Variants in PACC1 observed in about 807,000 individuals in gnomAD.
PACC1 encodes the protein proton-activated chloride channel.
A neutral mutation model predicts 39.7 loss-of-function variants in PACC1; 34 were observed. The observed-to-expected ratio is 0.86, with a 90% CI of 0.65 to 1.14. The LOEUF (loss-of-function observed/expected upper bound fraction) is 1.14, where lower values mean the gene tolerates loss of function less well. Among genes scored for constraint, PACC1 ranks in the 50% most tolerant of loss-of-function variants. The probability of loss-of-function intolerance (pLI) is 0.00; values close to 1 mark genes in which losing one functional copy is unlikely to be tolerated. For missense variants in PACC1, 379 were observed against 436.4 expected (o/e 0.87, Z 1.17); for synonymous variants, 127 against 160.6 (o/e 0.79, Z 1.58).
intron 1 of PACC1, among the ~76,000 whole-genome samples, chr1:212,412,519 C>A (rs1371242861): frequency 6.6e-6 from 1 of 152,196 alleles, no homozygotes; most frequent in Non-Finnish European, 1.5e-5. Context: ...AAGAAAGACG[C>A]CGGCCATTTT....
rs1257515243 is a variant in PACC1, at chr1:212,365,333, C to T, written c.935G>A (p.Gly312Asp). The change falls in exon 8 of 8, where the codon GGC becomes GAC. Residue 312 changes from glycine (G) to aspartate (D), a missense_variant. Physicochemically the swap from Gly to Asp is moderately conservative, Grantham distance 94. Transcript: ENST00000261455. ...TGCTTTAAATAATGCCAAGAAGGCGCCACAGAGAAGAGCAATTGTGTTCCA... is the reference window on the plus strand; with the variant it reads ...TGCTTTAAATAATGCCAAGAAGGCGTCACAGAGAAGAGCAATTGTGTTCCA... The part of the protein sequence containing the change: ...NPWNTIALLC[G>D]AFLALFKAAE... 6.2e-7 allele frequency: 1 copy of T among 1,613,386 alleles called. No individual in the cohort carries two copies. The highest frequency in any genetic ancestry group is 1.7e-5 in the Admixed American group (1 of 59,934).
At position 212,377,649 on chromosome 1, in the gene PACC1, G is replaced by A. The variant is rs1362468471; in HGVS notation, c.696C>T (p.Phe232=). 5 of 1,614,212 alleles carry A rather than the reference G, an allele frequency of 3.1e-6. No individual in the cohort carries two copies. In the Admixed American group the frequency reaches 8.3e-5, roughly 27 times the overall value. The change falls in exon 6 of 8, where the codon TTC becomes TTT. Residue 232 remains phenylalanine (F), a synonymous_variant. Transcript: ENST00000261455. ...TGACCCAGGTGCGGAAGCCCCCAGA[G>A]AACTTCCAGCTGGAATAGGCACTCT... ...ACESAYSSWK[F]SGGFRTWVKM... is the part of the protein sequence containing the mutation.
intron 7 of PACC1, among the ~76,000 whole-genome samples, chr1:212,374,920 A>G (rs1660592772): frequency 6.6e-6 from 1 of 152,214 alleles, no homozygotes; most frequent in East Asian, 1.9e-4. Flanking sequence ...AATTATGGTG[A>G]GCAAAATGAA....
chr1:212,410,234 C>G (rs911078600), intron 2 of PACC1, 191 bp downstream of exon 2: 14 of 614,504 alleles, frequency 2.3e-5, no homozygotes, highest in Non-Finnish European at 4.1e-5. Context: ...GAGTTAAGAG[C>G]AGATACCAGC....
At chr1:212,398,760 C>A (rs1020405895) in intron 2 of PACC1, among the ~76,000 whole-genome samples, 4 of 152,224 alleles carry the variant, frequency 2.6e-5, no homozygotes, top group African/African-American at 2.4e-5. Flanking sequence ...TATCTGCCTT[C>A]TCTCCATGTT....
chr1:212,368,129 T>C (rs1660309360), intron 7 of PACC1, among the ~76,000 whole-genome samples: 1 of 152,178 alleles, frequency 6.6e-6, no homozygotes, highest in Non-Finnish European at 1.5e-5. Context: ...GCTGGATATC[T>C]AGAAGTCTAC....
chr1:212,373,900 T>C (rs943787027), intron 7 of PACC1, among the ~76,000 whole-genome samples: 1 of 152,116 alleles, frequency 6.6e-6, no homozygotes, highest in Non-Finnish European at 1.5e-5. Flanking sequence ...TTGTATACTG[T>C]TGGTGGGAAT....
At chr1:212,410,869 T>C (rs765900338) in intron 1 of PACC1, among the ~76,000 whole-genome samples, 4 of 152,230 alleles carry the variant, frequency 2.6e-5, no homozygotes, top group Non-Finnish European at 5.9e-5. Flanking sequence ...GTTCCATGCC[T>C]CTCTCCTGGC....
intron 4 of PACC1, among the ~76,000 whole-genome samples, chr1:212,381,092 T>G (rs545710038): frequency 6.6e-6 from 1 of 152,366 alleles, no homozygotes; most frequent in South Asian, 2.1e-4. Flanking sequence ...CACTATTCAA[T>G]TCTTATCCTT....
At chr1:212,369,783 A>AC (rs1259650709) in intron 7 of PACC1, among the ~76,000 whole-genome samples, 1 of 101,370 alleles carries the variant, frequency 9.9e-6, no homozygotes. Flanking sequence ...TCCATCTCAG[A>AC]AAAAAAAAAA....
At chr1:212,396,346 C>T (rs1054477384) in intron 2 of PACC1, among the ~76,000 whole-genome samples, 7 of 151,988 alleles carry the variant, frequency 4.6e-5, no homozygotes, top group Non-Finnish European at 1.0e-4. Flanking sequence ...GACAAAAAAC[C>T]AAACACTGCA....
At chr1:212,366,772 G>A (rs1430369715) in intron 7 of PACC1, among the ~76,000 whole-genome samples, 1 of 152,102 alleles carries the variant, frequency 6.6e-6, no homozygotes, top group Non-Finnish European at 1.5e-5. Flanking sequence ...CGAGCTGCAA[G>A]CCCTTCTCCC....
chr1:212,366,361 C>T (rs1274532993), intron 7 of PACC1, among the ~76,000 whole-genome samples: 2 of 137,156 alleles, frequency 1.5e-5, no homozygotes, highest in African/African-American at 2.9e-5. Flanking sequence ...AGTGCAGTGG[C>T]GCGATCTCAG....
intron 7 of PACC1, among the ~76,000 whole-genome samples, chr1:212,373,957 G>T (rs1179694215): frequency 6.6e-6 from 1 of 151,160 alleles, no homozygotes; most frequent in Non-Finnish European, 1.5e-5. Flanking sequence ...CAGTATGGAG[G>T]TTCCTCAAAA....
chr1:212,396,796 AT>A lies in PACC1; in HGVS notation c.134-9697del, dbSNP rs1661538538. 1.5e-4 allele frequency among the ~76,000 whole-genome samples: 22 copies of A among 146,850 alleles called. No individual in the cohort carries two copies. The East Asian group carries it at 3.8e-3, about 25-fold the overall frequency. On this transcript the variant is annotated intron_variant, in intron 2 of 7. Coordinates refer to ENST00000261455, the MANE Select transcript of PACC1 (RefSeq NM_018252.3). ...ATCTTGAAGGCAGTGAGGGAAAAAA[AT>A]ATCTATCTATCTATCTATCTATCTA...
intron 2 of PACC1, among the ~76,000 whole-genome samples, chr1:212,388,733 A>C (rs1201840021): frequency 6.6e-6 from 1 of 152,152 alleles, no homozygotes; most frequent in African/African-American, 2.4e-5. Context: ...GTGAGAAATA[A>C]ATTTCTGTTG....
intron 4 of PACC1, among the ~76,000 whole-genome samples, chr1:212,380,846 T>G (rs767753190): frequency 6.6e-6 from 1 of 152,242 alleles, no homozygotes; most frequent in Non-Finnish European, 1.5e-5. Flanking sequence ...TTTTTGAACG[T>G]GTTCTAAGTA....
chr1:212,394,690 T>C (rs1469456908), intron 2 of PACC1, among the ~76,000 whole-genome samples: 1 of 152,154 alleles, frequency 6.6e-6, no homozygotes, highest in Non-Finnish European at 1.5e-5. Flanking sequence ...GAAAACCCCA[T>C]CGTCTCAGCC....
At chr1:212,390,969 G>A (rs963442836) in intron 2 of PACC1, among the ~76,000 whole-genome samples, 4 of 151,806 alleles carry the variant, frequency 2.6e-5, no homozygotes, top group African/African-American at 4.8e-5. Context: ...GGAGCCCACC[G>A]CAGCTCAAGG....
Sources: allele counts gnomAD v4.1 joint callset (sites outside exome capture counted in the v4.1 genomes callset), GRCh38; gene constraint gnomAD v4.1.1; transcripts MANE v1.5; gene names NCBI Gene and HGNC (gene_info 2026-07-23, HGNC 2026-07-21).